The following CACNA1E variants were observed in gnomAD, a reference collection of about 807,000 sequenced individuals.
The protein encoded by CACNA1E is calcium voltage-gated channel subunit alpha1 E, also known as voltage-dependent R-type calcium channel subunit alpha-1E.
A neutral mutation model predicts 259.2 loss-of-function variants in CACNA1E; 40 were observed. That is an observed-to-expected ratio of 0.15 (90% CI 0.12 to 0.20). CACNA1E has a LOEUF of 0.20. CACNA1E is among the 10% of genes least tolerant of loss of function. The probability of loss-of-function intolerance (pLI) is 1.00; values close to 1 mark genes in which losing one functional copy is unlikely to be tolerated. For missense variants in CACNA1E, 1,874 were observed against 3,040.1 expected (o/e 0.62, Z 9.02); for synonymous variants, 1,104 against 1,138.5 (o/e 0.97, Z 0.61).
intron 7 of CACNA1E, among the ~76,000 whole-genome samples, chr1:181,684,356 T>G (rs1252364921): frequency 6.6e-6 from 1 of 152,060 alleles, no homozygotes; most frequent in African/African-American, 2.4e-5. Context: ...GATTTAAGTT[T>G]CTTATAGATT....
At chr1:181,379,811 T>C (rs1571713612) in intron 1 of CACNA1E, among the ~76,000 whole-genome samples, 1 of 151,766 alleles carries the variant, frequency 6.6e-6, no homozygotes, top group African/African-American at 2.4e-5. Flanking sequence ...TCATAGCACA[T>C]GATAAAGAGA....
rs991119805 is a variant in CACNA1E, at chr1:181,378,872, A to G, written c.-14-34261A>G. ...GACACAAAAGGACTGAAGTGTTTCC[A>G]AGTAATTAGATCTCAGAACAAGGCT... is the stretch of plus-strand genomic sequence containing the variant. On this transcript the variant is annotated intron_variant, in intron 1 of 11. Coordinates refer to the CACNA1E transcript ENST00000524607. Among the ~76,000 whole-genome samples, 3 of 152,232 alleles carry G rather than the reference A, an allele frequency of 2.0e-5. 1 individual carries two copies. The highest frequency in any genetic ancestry group is 7.2e-5 in the African/African-American group (3 of 41,470).
chr1:181,362,356 C>T (rs1653945511), intron 1 of CACNA1E, among the ~76,000 whole-genome samples: 2 of 152,208 alleles, frequency 1.3e-5, no homozygotes, highest in South Asian at 4.1e-4. Flanking sequence ...CTGTGGATGG[C>T]AGCAAGACCT....
chr1:181,373,004 A>G (rs1189431372), intron 1 of CACNA1E, among the ~76,000 whole-genome samples: 2 of 152,062 alleles, frequency 1.3e-5, no homozygotes, highest in African/African-American at 4.8e-5. Flanking sequence ...ATCATGGTGA[A>G]TTATCTTTTT....
chr1:181,791,007 C>G (rs1661258817), intron 44 of CACNA1E, among the ~76,000 whole-genome samples: 1 of 152,182 alleles, frequency 6.6e-6, no homozygotes, highest in Non-Finnish European at 1.5e-5. Context: ...TAGAACCTAG[C>G]AGCAGCATGT....
At chr1:181,325,146 C>T (rs971882128) in intron 1 of CACNA1E, among the ~76,000 whole-genome samples, 6 of 152,232 alleles carry the variant, frequency 3.9e-5, no homozygotes, top group Non-Finnish European at 8.8e-5. Context: ...TGAGTCAACA[C>T]AGCCCACCTC....
At chr1:181,652,167 G>A (rs1558229543) in intron 7 of CACNA1E, 1 of 152,176 alleles carries the variant, frequency 6.6e-6, no homozygotes, top group Non-Finnish European at 1.5e-5. Context: ...AACATTTCAG[G>A]AAGGGGAACA....
At chr1:181,390,415 A>T (rs148674061) in intron 1 of CACNA1E, among the ~76,000 whole-genome samples, 136 of 152,250 alleles carry the variant, frequency 8.9e-4, no homozygotes, top group African/African-American at 2.4e-3. Flanking sequence ...CTTGGTCATG[A>T]CAGCTTGATT....
At chr1:181,642,984 A>G (rs1293697742) in intron 6 of CACNA1E, among the ~76,000 whole-genome samples, 1 of 152,136 alleles carries the variant, frequency 6.6e-6, no homozygotes, top group African/African-American at 2.4e-5. Context: ...AGAATAACTC[A>G]TTTCTACCCC....
At chr1:181,418,471 A>C (rs1658452568) in intron 2 of CACNA1E, among the ~76,000 whole-genome samples, 1 of 151,984 alleles carries the variant, frequency 6.6e-6, no homozygotes, top group African/African-American at 2.4e-5. Context: ...CCAGTCCCAG[A>C]CCTTTGGTTA....
In CACNA1E at chr1:181,763,401, AC is replaced by A; in HGVS notation, c.4690-3del. ...CTAATTATATGTTTCCTTTTGGTCC[AC>A]CAGCTGGTGAACACCAGTGGCTTCA... On this transcript the variant is annotated splice_region_variant and splice_polypyrimidine_tract_variant and intron_variant, in intron 33 of 47. Transcript: ENST00000367573. 1 of 1,573,876 alleles carries A rather than the reference AC, an allele frequency of 6.4e-7. No homozygotes were observed. Among genetic ancestry groups the A allele is most frequent in the Non-Finnish European group, 8.7e-7 (1 of 1,154,680 alleles).
intron 34 of CACNA1E, 79 bp from the exon 35 acceptor site, chr1:181,766,467 G>A (rs1659032965): frequency 1.0e-6 from 1 of 980,406 alleles, no homozygotes; most frequent in Non-Finnish European, 1.6e-6. Context: ...GCAAGATCCT[G>A]TACTGCCGGT....
intron 3 of CACNA1E, among the ~76,000 whole-genome samples, chr1:181,513,451 C>T (rs868300914): frequency 3.3e-5 from 5 of 152,164 alleles, no homozygotes; most frequent in African/African-American, 4.8e-5. Context: ...TTACTTGACA[C>T]TTGGATTCTT....
intron 17 of CACNA1E, among the ~76,000 whole-genome samples, chr1:181,725,801 C>T (rs573249748): frequency 1.3e-5 from 2 of 152,382 alleles, no homozygotes; most frequent in African/African-American, 4.8e-5. Flanking sequence ...TCCTGGTTCT[C>T]ATGAGCAACC....
intron 27 of CACNA1E, 132 bp downstream of exon 27, chr1:181,752,371 C>T: frequency 1.5e-6 from 1 of 681,582 alleles, no homozygotes; most frequent in South Asian, 1.8e-5. Flanking sequence ...AAGTTCTTTT[C>T]ATCTGCCTGA....
Position 181,751,903 on chromosome 1 carries a change from G to A in CACNA1E, c.3732-240G>A, listed in dbSNP as rs1344515506. 4 of 649,390 alleles carry A rather than the reference G, an allele frequency of 6.2e-6. No homozygotes were observed. The East Asian group carries it at 9.1e-5, about 15-fold the overall frequency. The allele number at this position is 649,390 out of a possible 1,614,324, so 40.2% of individuals were successfully genotyped here. A position where few individuals can be genotyped will look rare whatever the true frequency, so the allele number is the denominator to read the frequency against. On this transcript the variant is annotated intron_variant, in intron 26 of 47. Coordinates refer to ENST00000367573, the MANE Select transcript of CACNA1E (RefSeq NM_001205293.3). The stretch of plus-strand genomic sequence containing the variant: ...TTCCTCTGTGTGTGTATATATGAGT[G>A]TGTACGTGCATGTGGATGTGTGTTC...
chr1:181,537,520 A>G (rs1325817266), intron 3 of CACNA1E, among the ~76,000 whole-genome samples: 6 of 152,194 alleles, frequency 3.9e-5, no homozygotes, highest in African/African-American at 1.4e-4. Flanking sequence ...CTGTATGTAT[A>G]TAGAAAATGA....
intron 25 of CACNA1E, among the ~76,000 whole-genome samples, chr1:181,745,957 G>C (rs1180283113): frequency 6.6e-6 from 1 of 152,208 alleles, no homozygotes; most frequent in Non-Finnish European, 1.5e-5. Flanking sequence ...GAGAAAGCTT[G>C]CAAAAGGCTC....
At chr1:181,366,774 A>C (rs749467354) in intron 1 of CACNA1E, among the ~76,000 whole-genome samples, 1 of 152,190 alleles carries the variant, frequency 6.6e-6, no homozygotes, top group Non-Finnish European at 1.5e-5. Context: ...ATATGCCTTT[A>C]TATTGGGTAA....
Sources: gnomAD v4.1 joint callset for allele counts (sites outside exome capture counted in the v4.1 genomes callset) on GRCh38, gnomAD v4.1.1 for gene constraint, MANE v1.5 for transcripts, NCBI Gene and HGNC (gene_info 2026-07-23, HGNC 2026-07-21) for gene names.